KHNYN: variants seen among roughly 807,000 people sequenced by gnomAD.
KHNYN encodes protein KHNYN.
Under a neutral mutation model 62.7 loss-of-function variants are expected in KHNYN, and 42 were observed. The ratio of observed to expected loss-of-function variants is 0.67; its 90% CI spans 0.52 to 0.87. The LOEUF is 0.87. KHNYN is among the 40% of genes least tolerant of loss of function. The pLI is 0.00. For missense variants in KHNYN, 829 were observed against 874.1 expected, an observed-to-expected ratio of 0.95 and a Z score of 0.65; for synonymous variants, 347 against 345.6, an observed-to-expected ratio of 1.00 and a Z score of -0.04.
chr14:24,441,341 A>C lies in KHNYN; in HGVS notation c.*4056A>C, dbSNP rs2043332803. The C allele has an allele frequency of 2.4e-5, 11 of 456,150 alleles. No individual in the cohort carries two copies. The South Asian group carries it at 2.7e-4, about 11-fold the overall frequency. 28.3% of individuals were successfully genotyped at this position (456,150 alleles called of 1,614,324 possible). A position where few individuals can be genotyped will look rare whatever the true frequency, so the allele number is the denominator to read the frequency against. ...ATGATAATAAGCATAAAACACTTCA[A>C]ATAGTGGCTGGTGTGTATAATTGTT... On this transcript the variant is annotated 3_prime_UTR_variant, in exon 8 of 8. Transcript: ENST00000553935.
At position 24,432,947 on chromosome 14, in the gene KHNYN, C is replaced by G. The variant is rs1310842231; in HGVS notation, c.1492C>G (p.Leu498Val). ...KDAKVRESHF[L>V]QKLYSLSLLS... Reference sequence around the variant, plus strand: ...TTCTTTTTCAATAGAGAGTCACTTCCTGCAAAAGCTGTATTCCCTCAGCCT... The same window carrying G: ...TTCTTTTTCAATAGAGAGTCACTTCGTGCAAAAGCTGTATTCCCTCAGCCT... Residue 498 changes from leucine (L) to valine (V), a missense_variant, in exon 5 of 8, where the codon CTG becomes GTG. This residue lies in a region of KHNYN where 270 missense variants were observed against 347.1 expected (regional missense o/e 0.78). Transcript: ENST00000553935. This position sits in a 1 kb window ranked among gnomAD's most constrained non-coding sequence, Gnocchi z 5.6. 1 of 1,614,184 alleles carries G rather than the reference C, an allele frequency of 6.2e-7. No individual in the cohort carries two copies. Among genetic ancestry groups the G allele is most frequent in the Non-Finnish European group, 8.5e-7 (1 of 1,180,024 alleles).
chr14:24,440,859 G>GA lies in KHNYN; in HGVS notation c.*3579dup. On this transcript the variant is annotated 3_prime_UTR_variant, in exon 8 of 8. Transcript: ENST00000553935. ...CTTCCCATTTGGTTACGAGGTTGGA[G>GA]AAAAAGTCAAAGTCCCCTCCTGGGC... 1 of 1,613,990 alleles carries GA rather than the reference G, an allele frequency of 6.2e-7. No individual in the cohort carries two copies. The highest frequency in any genetic ancestry group is 8.5e-7 in the Non-Finnish European group (1 of 1,179,866).
At position 24,438,889 on chromosome 14, in the gene KHNYN, C is replaced by T. The variant is rs1171721742; in HGVS notation, c.*1604C>T. 1 of 152,216 alleles carries T rather than the reference C, an allele frequency of 6.6e-6. No homozygotes were observed. The highest frequency in any genetic ancestry group is 2.4e-5 in the African/African-American group (1 of 41,414). The allele number at this position is 152,216 out of a possible 1,614,324, so 9.4% of individuals were successfully genotyped here. ...GACTTCTGCCTCCCTCTGAGTGGCACAGGGAGTTGAATACTGCATGGCGAG... is the reference window on the plus strand; with the variant it reads ...GACTTCTGCCTCCCTCTGAGTGGCATAGGGAGTTGAATACTGCATGGCGAG... On this transcript the variant is annotated 3_prime_UTR_variant, in exon 8 of 8. Coordinates refer to ENST00000553935, the MANE Select transcript of KHNYN (RefSeq NM_015299.3).
rs1331485464 is a variant in KHNYN, at chr14:24,431,937, G to A, written c.676G>A (p.Ala226Thr). The part of the protein sequence containing the change: ...LLGAQCQGVR[A>T]PPSDGRESLD... ...GGGTGCTCAGTGCCAAGGAGTGAGAGCTCCCCCTAGTGACGGCAGGGAGTC... is the reference window on the plus strand; with the variant it reads ...GGGTGCTCAGTGCCAAGGAGTGAGAACTCCCCCTAGTGACGGCAGGGAGTC... Residue 226 changes from alanine to threonine, a missense_variant, in exon 3 of 8, where the codon GCT becomes ACT. Ala to Thr is a moderately conservative substitution (Grantham distance 58, BLOSUM62 0). Around this residue, in one of 2 missense-constraint regions of KHNYN, gnomAD observed 559 missense variants for 527.0 expected, o/e 1.06. Coordinates refer to ENST00000553935, the MANE Select transcript of KHNYN (RefSeq NM_015299.3). The A allele has an allele frequency of 1.9e-6, 3 of 1,613,660 alleles. No homozygotes were observed. Among genetic ancestry groups the A allele is most frequent in the East Asian group, 4.5e-5 (2 of 44,880 alleles).
chr14:24,430,522 GA>G, intron 1 of KHNYN, 191 bp from the exon 2 acceptor site: 1 of 1,396,578 alleles, frequency 7.2e-7, no homozygotes, highest in East Asian at 2.6e-5. Flanking sequence ...TGTTTACCGG[GA>G]CTTCCTCTCC....
At chr14:24,434,698 C>G (rs113442558) in intron 5 of KHNYN, among the ~76,000 whole-genome samples, 64 of 152,304 alleles carry the variant, frequency 4.2e-4, no homozygotes, top group African/African-American at 1.5e-3. Context: ...CCACCAAGCC[C>G]GGCCATAGAC....
intron 1 of KHNYN, 167 bp from the exon 2 acceptor site, chr14:24,430,547 T>G: frequency 7.1e-7 from 1 of 1,414,410 alleles, no homozygotes; most frequent in Non-Finnish European, 9.2e-7. Flanking sequence ...GAGGCCTGCG[T>G]GACATACACC....
upstream of KHNYN, chr14:24,428,437 C>T (rs756119082): frequency 3.7e-6 from 6 of 1,611,938 alleles, no homozygotes; most frequent in Non-Finnish European, 5.1e-6. Context: ...GAGTGGGGCT[C>T]AGGAAATGCC....
At chr14:24,429,267 G>A (rs1289450208), upstream of KHNYN, 2 of 705,192 alleles carry the variant, frequency 2.8e-6, no homozygotes, top group South Asian at 1.5e-5. Context: ...AGAGCATGCA[G>A]TGACAGCAGT....
In KHNYN at chr14:24,440,797, A is replaced by G. The variant is rs764653649; in HGVS notation, c.*3512A>G. 5 of 1,613,774 alleles carry G rather than the reference A, an allele frequency of 3.1e-6. No individual in the cohort carries two copies. The Admixed American group carries it at 8.3e-5, about 27-fold the overall frequency. ...CCGTTTCTCACCTGAGCGCACCACC[A>G]CCTGGCGTGTAGAATCTCCAGGAAG... On this transcript the variant is annotated 3_prime_UTR_variant, in exon 8 of 8. Transcript: ENST00000553935.
upstream of KHNYN, chr14:24,429,421 A>T (rs928014056): frequency 1.7e-5 from 9 of 539,946 alleles, no homozygotes; most frequent in African/African-American, 1.3e-4. Context: ...TGTGTGTGTG[A>T]CGGGTGTGAC....
Position 24,437,335 on chromosome 14 carries a change from G to A in KHNYN, c.*50G>A. 1 of 1,571,320 alleles carries A rather than the reference G, an allele frequency of 6.4e-7. No homozygotes were observed. The highest frequency in any genetic ancestry group is 8.6e-7 in the Non-Finnish European group (1 of 1,156,878). ...GCCCTGTCAGCTCCAGCCGCCTCCAGCTCAGCCCTTTCTGTGAGAGTCCCT... is the reference window on the plus strand; with the variant it reads ...GCCCTGTCAGCTCCAGCCGCCTCCAACTCAGCCCTTTCTGTGAGAGTCCCT... On this transcript the variant is annotated 3_prime_UTR_variant, in exon 8 of 8. Coordinates refer to ENST00000553935, the MANE Select transcript of KHNYN (RefSeq NM_015299.3). This position sits in a 1 kb window ranked among gnomAD's most constrained non-coding sequence, Gnocchi z 5.5.
chr14:24,434,177 C>A, intron 5 of KHNYN: 6 of 984,954 alleles, frequency 6.1e-6, no homozygotes, highest in Non-Finnish European at 7.2e-6. Context: ...AGATTGAGTT[C>A]GTTTTAATGA....
chr14:24,441,565 G>A lies in KHNYN; in HGVS notation c.*4280G>A, dbSNP rs763868300. The stretch of plus-strand genomic sequence containing the variant: ...CATGCATGGATCAAGGGCCTAGGAA[G>A]TCATTTTGCCTGGAAAAGACCAGTG... On this transcript the variant is annotated 3_prime_UTR_variant, in exon 8 of 8. Coordinates refer to ENST00000553935, the MANE Select transcript of KHNYN (RefSeq NM_015299.3). 1.4e-5 allele frequency: 13 copies of A among 907,308 alleles called. No individual in the cohort carries two copies. The highest frequency in any genetic ancestry group is 2.1e-5 in the Non-Finnish European group (13 of 613,204). 56.2% of individuals were successfully genotyped at this position (907,308 alleles called of 1,614,324 possible). A position where few individuals can be genotyped will look rare whatever the true frequency, so the allele number is the denominator to read the frequency against.
chr14:24,434,594 G>A (rs1411472588), intron 5 of KHNYN: 1 of 154,828 alleles, frequency 6.5e-6, no homozygotes, highest in African/African-American at 2.4e-5. Flanking sequence ...TAGTAGAGAT[G>A]GGGTTTCACC....
Position 24,437,033 on chromosome 14 carries a change from C to G in KHNYN, c.1788-3C>G. 1 of 1,611,850 alleles carries G rather than the reference C, an allele frequency of 6.2e-7. No homozygotes were observed. Among genetic ancestry groups the G allele is most frequent in the Non-Finnish European group, 8.5e-7 (1 of 1,178,348 alleles). ...CAGCTCTTTTTGGTCTGTTTCTTCC[C>G]AGGACACAGGGGTCTTCTAAGGCTC... is the stretch of plus-strand genomic sequence containing the variant. On this transcript the variant is annotated splice_polypyrimidine_tract_variant and splice_region_variant and intron_variant, in intron 7 of 7. Transcript: ENST00000553935. This position sits in a 1 kb window ranked among gnomAD's most constrained non-coding sequence, Gnocchi z 5.5.
In KHNYN at chr14:24,439,892, G is replaced by C; in HGVS notation, c.*2607G>C. ...GGGAAATCTTACAAGGAGTTGAAAA[G>C]ATTAATGTCCCAACCTGATGAGATT... On this transcript the variant is annotated 3_prime_UTR_variant, in exon 8 of 8. Transcript: ENST00000553935. The C allele has an allele frequency of 1.8e-6, 1 of 550,518 alleles. No homozygotes were observed. The highest frequency in any genetic ancestry group is 3.2e-6 in the Non-Finnish European group (1 of 316,588). The allele number at this position is 550,518 out of a possible 1,614,324, so 34.1% of individuals were successfully genotyped here.
At position 24,439,415 on chromosome 14, in the gene KHNYN, GGT is replaced by G. The variant is rs1318598344; in HGVS notation, c.*2131_*2132del. 6.6e-6 allele frequency: 1 copy of G among 152,190 alleles called. No individual in the cohort carries two copies. Among genetic ancestry groups the G allele is most frequent in the African/African-American group, 2.4e-5 (1 of 41,416 alleles). The allele number at this position is 152,190 out of a possible 1,614,324, so 9.4% of individuals were successfully genotyped here. A position where few individuals can be genotyped will look rare whatever the true frequency, so the allele number is the denominator to read the frequency against. On this transcript the variant is annotated 3_prime_UTR_variant, in exon 8 of 8. Transcript: ENST00000553935. ...GCCTGATAAACTGGGACCACTGTGT[GGT>G]TAGTAATGCACTTGCCATTTGGTGA...
chr14:24,433,108 C>CT, intron 5 of KHNYN, 76 bp downstream of exon 5: 2 of 1,360,622 alleles, frequency 1.5e-6, no homozygotes, highest in Non-Finnish European at 2.1e-6. Flanking sequence ...AGAAAAGCTC[C>CT]TGGTGGTTTA....
Sources: allele counts gnomAD v4.1 joint callset (sites outside exome capture counted in the v4.1 genomes callset), GRCh38; gene constraint gnomAD v4.1.1; regional missense constraint gnomAD v4.1.1; non-coding constraint Gnocchi (gnomAD v3.1); transcripts MANE v1.5; gene names NCBI Gene and HGNC (gene_info 2026-07-23, HGNC 2026-07-21).